Variants in PDLIM7 observed in about 807,000 individuals in gnomAD.
PDLIM7 encodes the protein PDZ and LIM domain 7, also known as PDZ and LIM domain protein 7.
In PDLIM7, 37 loss-of-function variants were observed where a neutral mutation model predicts 53.9. That is an observed-to-expected ratio of 0.69 (90% CI 0.53 to 0.90). The LOEUF is 0.90. Among genes scored for constraint, PDLIM7 ranks in the 40% least tolerant of loss-of-function variants. The pLI is 0.00. For missense variants in PDLIM7, 617 were observed against 638.5 expected, an observed-to-expected ratio of 0.97 and a Z score of 0.36; for synonymous variants, 300 against 261.3, an observed-to-expected ratio of 1.15 and a Z score of -1.43.
At chr5:177,490,733 GGAAGGAA>G in intron 7 of PDLIM7, 130 bp downstream of exon 7, 1 of 791,470 alleles carries the variant, frequency 1.3e-6, no homozygotes, top group Non-Finnish European at 2.2e-6. Flanking sequence ...AAGGAAGGAA[GGAAGGAA>G]GGAAGGAAGG....
intron 2 of PDLIM7, among the ~76,000 whole-genome samples, chr5:177,493,400 G>C (rs1758904938): frequency 6.6e-6 from 1 of 152,212 alleles, no homozygotes; most frequent in Non-Finnish European, 1.5e-5. Context: ...GGAGTCCCTG[G>C]TTCCTGTGGC....
intron 7 of PDLIM7, chr5:177,490,049 G>C: frequency 6.5e-7 from 1 of 1,532,228 alleles, no homozygotes; most frequent in South Asian, 1.2e-5. Context: ...ACGAGGCAGG[G>C]CTCCCGCTTC....
chr5:177,492,698 T>G, intron 2 of PDLIM7, 21 bp from the exon 3 acceptor site: 1 of 1,595,564 alleles, frequency 6.3e-7, no homozygotes, highest in Non-Finnish European at 8.5e-7. Context: ...AGAAGCAAAG[T>G]GACCGAGGCC....
At chr5:177,492,133 G>A (rs1758828908) in intron 4 of PDLIM7, 1 of 584,344 alleles carries the variant, frequency 1.7e-6, no homozygotes, top group South Asian at 2.1e-5. Flanking sequence ...ACGCAGGACC[G>A]AGGGCTGACC....
In PDLIM7 at chr5:177,489,636, G is replaced by A. The variant is rs1481538287; in HGVS notation, c.635-9C>T. The stretch of plus-strand genomic sequence containing the variant: ...GCTGGGGGCGGTAGGGCCTGCCGGG[G>A]AAAGTGACTCTAAAGGGGTGCCCAG... On this transcript the variant is annotated splice_polypyrimidine_tract_variant and intron_variant, in intron 8 of 12. Transcript: ENST00000355841. The A allele has an allele frequency of 1.3e-6, 2 of 1,576,522 alleles. No individual in the cohort carries two copies. The highest frequency in any genetic ancestry group is 1.3e-5 in the African/African-American group (1 of 74,572).
At chr5:177,494,518 G>A (rs1304401804) in intron 2 of PDLIM7, among the ~76,000 whole-genome samples, 2 of 146,454 alleles carry the variant, frequency 1.4e-5, no homozygotes, top group African/African-American at 5.0e-5. Flanking sequence ...GGCTGAGCCC[G>A]AGGTGGGGGT....
rs115478389 is a variant in PDLIM7, at chr5:177,485,438, C to T, written c.1051-1248G>A. 7.6e-3 allele frequency among the ~76,000 whole-genome samples: 1,151 copies of T among 152,276 alleles called. 13 individuals carry two copies. Among genetic ancestry groups the T allele is most frequent in the African/African-American group, 0.026 (1,095 of 41,550 alleles). On this transcript the variant is annotated intron_variant, in intron 10 of 12. Coordinates refer to ENST00000355841, the MANE Select transcript of PDLIM7 (RefSeq NM_005451.5). ...TGGGGCCTCGAGGCGGTATGAGGGTCCAAGATGTGTGGGTCTGGCCAGACC... is the reference window on the plus strand; with the variant it reads ...TGGGGCCTCGAGGCGGTATGAGGGTTCAAGATGTGTGGGTCTGGCCAGACC...
chr5:177,495,405 G>A (rs563609446), intron 2 of PDLIM7, among the ~76,000 whole-genome samples: 2 of 152,240 alleles, frequency 1.3e-5, no homozygotes, highest in South Asian at 2.1e-4. Context: ...CTGCCCACCC[G>A]GCGCCTGGGT....
rs1318094769 is a variant in PDLIM7, at chr5:177,490,102, G to A, written c.573-270C>T. On this transcript the variant is annotated intron_variant, in intron 7 of 12. Coordinates refer to ENST00000355841, the MANE Select transcript of PDLIM7 (RefSeq NM_005451.5). ...TTCCCCTCATGCCAGGAAGCCATCT[G>A]TGATGGCAGGGCAGGGCCCCTTTGC... The A allele has an allele frequency of 2.6e-6, 4 of 1,520,686 alleles. No individual in the cohort carries two copies. The Admixed American group carries it at 7.9e-5, about 30-fold the overall frequency. 94.2% of individuals were successfully genotyped at this position (1,520,686 alleles called of 1,614,324 possible). A position where few individuals can be genotyped will look rare whatever the true frequency, so the allele number is the denominator to read the frequency against.
intron 10 of PDLIM7, among the ~76,000 whole-genome samples, chr5:177,485,907 G>A (rs1458697117): frequency 6.6e-6 from 1 of 152,026 alleles, no homozygotes; most frequent in Non-Finnish European, 1.5e-5. Context: ...GATCCTCTGA[G>A]CCCAGGAGAT....
chr5:177,484,442 T>A (rs1348690987), intron 10 of PDLIM7: 1 of 473,738 alleles, frequency 2.1e-6, no homozygotes, highest in Non-Finnish European at 3.8e-6. Flanking sequence ...CCCACAGCCA[T>A]CCCCATCACG....
rs374012805 is a variant in PDLIM7, at chr5:177,488,168, T to C, written c.950A>G (p.Glu317Gly). 3 of 1,613,392 alleles carry C rather than the reference T, an allele frequency of 1.9e-6. No homozygotes were observed. Among genetic ancestry groups the C allele is most frequent in the Non-Finnish European group, 2.5e-6 (3 of 1,179,966 alleles). The stretch of plus-strand genomic sequence containing the variant: ...GCCCTTCTCCTCAAAGAAGCCACCC[T>C]CTTCCAGGACCTTCCCACACTGGCT... ...VCSQCGKVLE[E>G]GGFFEEKGAI... The change falls in exon 10 of 13, where the codon GAG becomes GGG. Residue 317 changes from glutamate (E) to glycine (G), a missense_variant. By Grantham distance (98) the Glu-to-Gly change is moderately conservative. Transcript: ENST00000355841.
chr5:177,485,818 C>T (rs1459822062), intron 10 of PDLIM7, among the ~76,000 whole-genome samples: 1 of 151,960 alleles, frequency 6.6e-6, no homozygotes, highest in African/African-American at 2.4e-5. Context: ...AACCTCATCT[C>T]TACAAAAAGA....
intron 10 of PDLIM7, among the ~76,000 whole-genome samples, chr5:177,486,707 C>A (rs756688440): frequency 2.0e-5 from 3 of 151,874 alleles, no homozygotes; most frequent in Non-Finnish European, 4.4e-5. Flanking sequence ...GGCGCGATCT[C>A]GGCTCACTGC....
intron 4 of PDLIM7, 192 bp from the exon 5 acceptor site, chr5:177,492,117 C>G: frequency 2.0e-6 from 1 of 511,142 alleles, no homozygotes; most frequent in East Asian, 3.4e-5. Flanking sequence ...GTGGCGATCT[C>G]AGTCCACGCA....
rs1395194951 is a variant in PDLIM7 at position 177,492,378 on chromosome 5, G to A, written c.279+27C>T. 5.0e-6 allele frequency: 8 copies of A among 1,611,548 alleles called. No individual in the cohort carries two copies. The East Asian group carries it at 1.1e-4, about 22-fold the overall frequency. On this transcript the variant is annotated intron_variant, in intron 4 of 12. Coordinates refer to ENST00000355841, the MANE Select transcript of PDLIM7 (RefSeq NM_005451.5). ...GCCGTCCAAGCCCACACCGCCCACC[G>A]CCCGGATGTCCCGGCCAGCCTCGTA...
At position 177,492,606 on chromosome 5, in the gene PDLIM7, C is replaced by A. The variant is rs113574636; in HGVS notation, c.168G>T (p.Glu56Asp). The change falls in exon 3 of 13, where the codon GAG becomes GAT. Residue 56 changes from glutamate (E) to aspartate (D), a missense_variant. Coordinates refer to ENST00000355841, the MANE Select transcript of PDLIM7 (RefSeq NM_005451.5). ...CGATGTGTGTGAGGCTACCCGCATT[C>A]TCGCCATCGATGCTCAGCACCCAGT... ...VGDWVLSIDG[E>D]NAGSLTHIEA... 1.1e-4 allele frequency: 175 copies of A among 1,612,810 alleles called. 4 individuals are homozygous for A. In the South Asian group the frequency reaches 1.5e-3, roughly 14 times the overall value.
rs750114397 is a variant in PDLIM7 at position 177,490,852 on chromosome 5, T to G, written c.572+18A>C. On this transcript the variant is annotated intron_variant, in intron 7 of 12. Transcript: ENST00000355841. Reference sequence around the variant, plus strand: ...AAGAGGCAGGAGGTGGGAGAGGGGCTGGTGCCCGTCCCTGTACCTTGATTT... The same window carrying G: ...AAGAGGCAGGAGGTGGGAGAGGGGCGGGTGCCCGTCCCTGTACCTTGATTT... 12 of 1,613,554 alleles carry G rather than the reference T, an allele frequency of 7.4e-6. No homozygotes were observed. The East Asian group carries it at 2.5e-4, about 33-fold the overall frequency.
chr5:177,491,068 C>T lies in PDLIM7; in HGVS notation c.477G>A (p.Pro159=), dbSNP rs78462129. 1,214 of 1,610,120 alleles carry T rather than the reference C, an allele frequency of 7.5e-4. 6 individuals carry two copies. The African/African-American group carries it at 0.014, about 19-fold the overall frequency. ...GGAAGGAACGCGACTGGCCTGTCCC[C>T]GGCCGCGGCCGCCAGTCCTCTGTGT... ...MENTEDWRPR[P]GTGQSRSFRI... The change falls in exon 6 of 13, where the codon CCG becomes CCA. Residue 159 remains proline, a synonymous_variant. Coordinates refer to ENST00000355841, the MANE Select transcript of PDLIM7 (RefSeq NM_005451.5).
Sources: allele counts gnomAD v4.1 joint callset (sites outside exome capture counted in the v4.1 genomes callset), GRCh38; gene constraint gnomAD v4.1.1; transcripts MANE v1.5; gene names NCBI Gene and HGNC (gene_info 2026-07-23, HGNC 2026-07-21).